The following MFAP4 variants were observed in gnomAD, a reference collection of about 807,000 sequenced individuals.
The protein encoded by MFAP4 is microfibril-associated glycoprotein 4.
Under a neutral mutation model 32.4 loss-of-function variants are expected in MFAP4, and 20 were observed. That is an observed-to-expected ratio of 0.62 (90% CI 0.43 to 0.90). MFAP4 has a LOEUF of 0.90. Ranked by LOEUF, MFAP4 falls within the 40% of genes least tolerant of loss-of-function variation. The pLI is 0.00. For missense variants in MFAP4, 267 were observed against 329.5 expected (o/e 0.81, Z 1.47); for synonymous variants, 146 against 137.4 (o/e 1.06, Z -0.44).
intron 1 of MFAP4, 134 bp from the exon 2 acceptor site, chr17:19,386,972 T>TGGCGGGGGGCCCCCCCCCCCC: frequency 2.1e-6 from 2 of 937,012 alleles, no homozygotes; most frequent in African/African-American, 1.7e-5. Flanking sequence ...TGGCCCCTCT[T>TGGCGGGGGGCCCCCCCCCCCC]CCCTGCCCCC....
chr17:19,386,972 T>TGGCGGGGG, intron 1 of MFAP4, 134 bp from the exon 2 acceptor site: 3 of 937,004 alleles, frequency 3.2e-6, no homozygotes, highest in Non-Finnish European at 5.1e-6. Context: ...TGGCCCCTCT[T>TGGCGGGGG]CCCTGCCCCC....
At chr17:19,386,977 G>GCCCCCCCCCCCCCCCCCCCCCCCCCCCCC in intron 1 of MFAP4, 139 bp from the exon 2 acceptor site, 2 of 689,456 alleles carry the variant, frequency 2.9e-6, no homozygotes, top group Non-Finnish European at 4.7e-6. Flanking sequence ...CCTCTTCCCT[G>GCCCCCCCCCCCCCCCCCCCCCCCCCCCCC]CCCCCCCACC....
chr17:19,384,450 G>A lies in MFAP4; in HGVS notation c.*12C>T, dbSNP rs747109037. 1.9e-6 allele frequency: 3 copies of A among 1,558,378 alleles called. No individual in the cohort carries two copies. Among genetic ancestry groups the A allele is most frequent in the South Asian group, 2.3e-5 (2 of 85,322 alleles). The stretch of plus-strand genomic sequence containing the variant: ...GTCCAGGGGAGGAAAGGTGCCTGAG[G>A]GGGCCAGCCCTTCAGGCCCGGCGGA... On this transcript the variant is annotated 3_prime_UTR_variant, in exon 6 of 6. Coordinates refer to ENST00000299610, the MANE Select transcript of MFAP4 (RefSeq NM_002404.3).
chr17:19,383,952 G>A lies in MFAP4; in HGVS notation c.*510C>T, dbSNP rs541992587. The A allele has an allele frequency of 3.1e-5, 5 of 162,316 alleles. No homozygotes were observed. The South Asian group carries it at 8.2e-4, about 27-fold the overall frequency. 10.1% of individuals were successfully genotyped at this position (162,316 alleles called of 1,614,324 possible). ...CACAGGGGAGTAAGTTGGTGGGAGG[G>A]ATGCTGAAGATGGGACATGGTTTGA... On this transcript the variant is annotated 3_prime_UTR_variant, in exon 6 of 6. Transcript: ENST00000299610.
At chr17:19,385,997 TA>T (rs1913017013) in intron 3 of MFAP4, among the ~76,000 whole-genome samples, 1 of 152,202 alleles carries the variant, frequency 6.6e-6, no homozygotes, top group Non-Finnish European at 1.5e-5. Flanking sequence ...CACATGCCTG[TA>T]ATCCCAGCTA....
intron 1 of MFAP4, 68 bp downstream of exon 1, chr17:19,387,071 AGTGCCCTCTGT>A: frequency 6.2e-7 from 1 of 1,603,356 alleles, no homozygotes; most frequent in Non-Finnish European, 8.5e-7. Flanking sequence ...GTGCCTTCAT[AGTGCCCTCTGT>A]GGCCAGGGGC....
rs753854694 is a variant in MFAP4 at position 19,386,328 on chromosome 17, G to A, written c.222C>T (p.Thr74=). ...CACTCACCGTCCACTTCCCGCCCTCGGTGGTCATGTCACAGAAGACGGGCA... is the reference window on the plus strand; with the variant it reads ...CACTCACCGTCCACTTCCCGCCCTCAGTGGTCATGTCACAGAAGACGGGCA... ...VPVPVFCDMT[T]EGGKWTVFQK... The change falls in exon 3 of 6, where the codon ACC becomes ACT. Residue 74 remains threonine (T), a synonymous_variant. Coordinates refer to ENST00000299610, the MANE Select transcript of MFAP4 (RefSeq NM_002404.3). The A allele has an allele frequency of 2.6e-5, 42 of 1,608,248 alleles. No homozygotes were observed. The highest frequency in any genetic ancestry group is 8.9e-5 in the East Asian group (4 of 44,756).
intron 2 of MFAP4, 79 bp downstream of exon 2, chr17:19,386,681 G>T: frequency 1.4e-6 from 2 of 1,479,626 alleles, no homozygotes; most frequent in Non-Finnish European, 1.8e-6. Flanking sequence ...GCTCGGCCCT[G>T]ACAGTCTGTT....
intron 1 of MFAP4, 139 bp from the exon 2 acceptor site, chr17:19,386,977 G>GGGCCCCCCCCCCCCCCCCCCCCCCAAC: frequency 1.5e-6 from 1 of 689,442 alleles, no homozygotes; most frequent in Non-Finnish European, 2.4e-6. Context: ...CCTCTTCCCT[G>GGGCCCCCCCCCCCCCCCCCCCCCCAAC]CCCCCCCACC....
In MFAP4 at chr17:19,383,494, T is replaced by C. The variant is rs1912898257; in HGVS notation, c.*968A>G. The C allele has an allele frequency of 3.6e-6, 1 of 276,144 alleles. No homozygotes were observed. Among genetic ancestry groups the C allele is most frequent in the Non-Finnish European group, 6.6e-6 (1 of 150,462 alleles). 17.1% of individuals were successfully genotyped at this position (276,144 alleles called of 1,614,324 possible). On this transcript the variant is annotated 3_prime_UTR_variant, in exon 6 of 6. Coordinates refer to ENST00000299610, the MANE Select transcript of MFAP4 (RefSeq NM_002404.3). ...TATTATGTTATTATTACACTGTCTT[T>C]TTGCCATCAAAATGAGGCCTGTGAA...
intron 5 of MFAP4, 107 bp downstream of exon 5, chr17:19,384,992 C>T: frequency 7.2e-7 from 1 of 1,389,656 alleles, no homozygotes; most frequent in African/African-American, 1.4e-5. Flanking sequence ...CTTCCAGATC[C>T]AGAAGGGTTG....
At chr17:19,385,994 C>G (rs1044168580) in intron 3 of MFAP4, among the ~76,000 whole-genome samples, 2 of 152,228 alleles carry the variant, frequency 1.3e-5, no homozygotes, top group Non-Finnish European at 2.9e-5. Flanking sequence ...TGGCACATGC[C>G]TGTAATCCCA....
At position 19,384,429 on chromosome 17, in the gene MFAP4, A is replaced by G. The variant is rs748005669; in HGVS notation, c.*33T>C. On this transcript the variant is annotated 3_prime_UTR_variant, in exon 6 of 6. Transcript: ENST00000299610. ...GCACTCATGGAGACCATGGGTGTCC[A>G]GGGGAGGAAAGGTGCCTGAGGGGGC... 6.5e-7 allele frequency: 1 copy of G among 1,548,852 alleles called. No individual in the cohort carries two copies. The highest frequency in any genetic ancestry group is 8.7e-7 in the Non-Finnish European group (1 of 1,144,950).
Position 19,387,179 on chromosome 17 carries a change from C to A in MFAP4, c.-24G>T. On this transcript the variant is annotated 5_prime_UTR_variant, in exon 1 of 6. Coordinates refer to ENST00000299610, the MANE Select transcript of MFAP4 (RefSeq NM_002404.3). ...ATGCTGTCAGTTCTGCTCAGAGTGG[C>A]TGGGTGTCTGCGGCCCCAGACTGCA... 1 of 1,549,558 alleles carries A rather than the reference C, an allele frequency of 6.5e-7. No homozygotes were observed. The highest frequency in any genetic ancestry group is 1.4e-5 in the African/African-American group (1 of 73,658).
intron 1 of MFAP4, 27 bp downstream of exon 1, chr17:19,387,123 T>G (rs1913071628): frequency 6.2e-7 from 1 of 1,612,312 alleles, no homozygotes; most frequent in African/African-American, 1.3e-5. Context: ...CCCCATGCTA[T>G]GAGTCCCCCG....
Position 19,384,235 on chromosome 17 carries a change from G to A in MFAP4, c.*227C>T. On this transcript the variant is annotated 3_prime_UTR_variant, in exon 6 of 6. Transcript: ENST00000299610. ...CCATGTGCCTCTCGGAAGAGGCCTG[G>A]GGAACTGCTGGCAGTGTAACTTCAG... 1 of 559,346 alleles carries A rather than the reference G, an allele frequency of 1.8e-6. No individual in the cohort carries two copies. The highest frequency in any genetic ancestry group is 3.2e-6 in the Non-Finnish European group (1 of 313,584). 34.6% of individuals were successfully genotyped at this position (559,346 alleles called of 1,614,324 possible).
chr17:19,384,643 A>C lies in MFAP4; in HGVS notation c.587T>G (p.Val196Gly). ...TGAGGAGAGAGCTGCGCAGTTCTGC[A>C]CAAAGAGGTCCTGGTCCCGGTCGAA... Reference protein sequence around the residue: ...STFDRDQDLFVQNCAALSSGA... With the variant: ...STFDRDQDLFGQNCAALSSGA... The change falls in exon 6 of 6, where the codon GTG becomes GGG. Residue 196 changes from valine to glycine, a missense_variant. Val to Gly is a moderately radical substitution (Grantham distance 109). Coordinates refer to ENST00000299610, the MANE Select transcript of MFAP4 (RefSeq NM_002404.3). The C allele has an allele frequency of 1.2e-6, 2 of 1,614,202 alleles. No individual in the cohort carries two copies. The highest frequency in any genetic ancestry group is 1.7e-6 in the Non-Finnish European group (2 of 1,180,016).
rs942869012 is a variant in MFAP4, at chr17:19,384,498, G to A, written c.732C>T (p.Ser244=). The A allele has an allele frequency of 8.7e-6, 14 of 1,602,738 alleles. No homozygotes were observed. Among genetic ancestry groups the A allele is most frequent in the African/African-American group, 1.3e-5 (1 of 74,606 alleles). Residue 244 remains serine (S), a synonymous_variant, in exon 6 of 6, where the codon TCC becomes TCT. Transcript: ENST00000299610. ...GGATTTTCATCTCAGTGCGTTTGAG[G>A]GAGTAGTAGAAGCCCTTCCACTGGG... is the stretch of plus-strand genomic sequence containing the variant. ...NWAQWKGFYY[S]LKRTEMKIRR...
chr17:19,383,451 G>T lies in MFAP4; in HGVS notation c.*1011C>A. ...AACTCCCCCTGAACAATCCTTTTCAGTATTATATTTTTATTATTATTATGT... is the reference window on the plus strand; with the variant it reads ...AACTCCCCCTGAACAATCCTTTTCATTATTATATTTTTATTATTATTATGT... On this transcript the variant is annotated 3_prime_UTR_variant, in exon 6 of 6. Transcript: ENST00000299610. 2.4e-6 allele frequency: 1 copy of T among 418,158 alleles called. No individual in the cohort carries two copies. The highest frequency in any genetic ancestry group is 3.7e-5 in the East Asian group (1 of 27,020). The allele number at this position is 418,158 out of a possible 1,614,324, so 25.9% of individuals were successfully genotyped here.
Sources: allele counts gnomAD v4.1 joint callset (sites outside exome capture counted in the v4.1 genomes callset), GRCh38; gene constraint gnomAD v4.1.1; transcripts MANE v1.5; gene names NCBI Gene and HGNC (gene_info 2026-07-23, HGNC 2026-07-21).